The following KIRREL3 variants were observed in gnomAD, a reference collection of about 807,000 sequenced individuals.
KIRREL3 encodes the protein kin of IRRE-like protein 3.
In KIRREL3, 36 loss-of-function variants were observed where a neutral mutation model predicts 89.7. The ratio of observed to expected loss-of-function variants is 0.40; its 90% CI spans 0.31 to 0.53. The LOEUF (loss-of-function observed/expected upper bound fraction) is 0.53, where lower values mean the gene tolerates loss of function less well. Ranked by LOEUF, KIRREL3 falls within the 20% of genes least tolerant of loss-of-function variation. The pLI is 0.49. For synonymous variants in KIRREL3, 445 were observed against 441.4 expected, an observed-to-expected ratio of 1.01 and a Z score of -0.10; for missense variants, 864 against 1,056.6, an observed-to-expected ratio of 0.82 and a Z score of 2.53.
intron 16 of KIRREL3, among the ~76,000 whole-genome samples, 179 bp from the exon 17 acceptor site, chr11:126,425,202 G>A (rs753792260): frequency 6.6e-6 from 1 of 152,208 alleles, no homozygotes; most frequent in Non-Finnish European, 1.5e-5. Flanking sequence ...TGCAGGGGAA[G>A]AAGGACACTG....
Position 126,764,955 on chromosome 11 carries a change from G to C in KIRREL3, c.56-202043C>G, listed in dbSNP as rs1281310719. ...GGTTTTTCAAGTGCAAGGGTTATTT[G>C]CTATATTTTGGAAACTTTTGAGGGT... On this transcript the variant is annotated intron_variant, in intron 1 of 16. Transcript: ENST00000525144. The surrounding 1 kb of genome is among the most constrained non-coding windows in gnomAD (Gnocchi z 4.2). Among the ~76,000 whole-genome samples the C allele has an allele frequency of 6.6e-6, 1 of 152,150 alleles. No individual in the cohort carries two copies. Among genetic ancestry groups the C allele is most frequent in the African/African-American group, 2.4e-5 (1 of 41,442 alleles).
intron 1 of KIRREL3, among the ~76,000 whole-genome samples, chr11:126,960,791 C>T (rs981904967): frequency 3.0e-4 from 46 of 151,950 alleles, no homozygotes; most frequent in African/African-American, 1.1e-3. Context: ...TATTGTTCTT[C>T]GCAGACATTG....
chr11:126,446,283 C>CTTTCTCTCTCTCTCT (rs1565457748), intron 9 of KIRREL3, among the ~76,000 whole-genome samples: 7 of 116,588 alleles, frequency 6.0e-5, no homozygotes, highest in Non-Finnish European at 1.1e-4. Context: ...TCTTTTCTTT[C>CTTTCTCTCTCTCTCT]TCCTTTCTTT....
rs142087174 is a variant in KIRREL3 at position 126,946,205 on chromosome 11, T to TC, written c.55+54249dup. Among the ~76,000 whole-genome samples, 12,625 of 152,160 alleles carry TC rather than the reference T, an allele frequency of 0.083. 949 individuals are homozygous for TC. The highest frequency in any genetic ancestry group is 0.37 in the East Asian group (1,906 of 5,164). On this transcript the variant is annotated intron_variant, in intron 1 of 16. Coordinates refer to ENST00000525144, the MANE Select transcript of KIRREL3 (RefSeq NM_032531.4). This position sits in a 1 kb window ranked among gnomAD's most constrained non-coding sequence, Gnocchi z 4.1. ...ATGCCAGAATTCAAGTTTCAGTTTTTCCCCTTAAAATGACCCTAAATCCCT... is the reference window on the plus strand; with the variant it reads ...ATGCCAGAATTCAAGTTTCAGTTTTTCCCCCTTAAAATGACCCTAAATCCCT...
At chr11:126,758,696 C>T (rs1165005738) in intron 1 of KIRREL3, among the ~76,000 whole-genome samples, 1 of 152,204 alleles carries the variant, frequency 6.6e-6, no homozygotes, top group Non-Finnish European at 1.5e-5. Context: ...GGAGACCTTG[C>T]ATGATAAGGT....
In KIRREL3 at chr11:126,983,711, G is replaced by A. The variant is rs545863671; in HGVS notation, c.55+16744C>T. The stretch of plus-strand genomic sequence containing the variant: ...GCCTCCAGAAAGAAACAGCCCTGCA[G>A]CACCTGGATGCCAGCCCGTGAGATC... On this transcript the variant is annotated intron_variant, in intron 1 of 16. Transcript: ENST00000525144. The surrounding 1 kb of genome is among the most constrained non-coding windows in gnomAD (Gnocchi z 4.9). Among the ~76,000 whole-genome samples, 2 of 152,252 alleles carry A rather than the reference G, an allele frequency of 1.3e-5. No homozygotes were observed. Among genetic ancestry groups the A allele is most frequent in the Admixed American group, 6.5e-5 (1 of 15,296 alleles).
rs1413140315 is a variant in KIRREL3, at chr11:126,527,245, C to T, written c.134-558G>A. ...AGGGGTGGGTGGTGGTGCAGTATGG[C>T]AGGAGGTGTGCTGAGGAGGCGTGCC... On this transcript the variant is annotated intron_variant, in intron 2 of 16. Transcript: ENST00000525144. This position sits in a 1 kb window ranked among gnomAD's most constrained non-coding sequence, Gnocchi z 4.2. 6.6e-6 allele frequency among the ~76,000 whole-genome samples: 1 copy of T among 151,902 alleles called. No individual in the cohort carries two copies. The highest frequency in any genetic ancestry group is 2.4e-5 in the African/African-American group (1 of 41,356).
At chr11:126,838,850 G>A (rs1043319178) in intron 1 of KIRREL3, among the ~76,000 whole-genome samples, 1 of 152,178 alleles carries the variant, frequency 6.6e-6, no homozygotes, top group African/African-American at 2.4e-5. Context: ...GCATGATAAA[G>A]TTTTAATGCC....
chr11:126,719,284 A>T lies in KIRREL3; in HGVS notation c.56-156372T>A, dbSNP rs1327237651. On this transcript the variant is annotated intron_variant, in intron 1 of 16. Coordinates refer to ENST00000525144, the MANE Select transcript of KIRREL3 (RefSeq NM_032531.4). The surrounding 1 kb of genome is among the most constrained non-coding windows in gnomAD (Gnocchi z 4.7). The stretch of plus-strand genomic sequence containing the variant: ...CAATGGTCAACTCCTTGTTGACACA[A>T]ATGGCCAGCTCTTCTGTTTGAACGC... Among the ~76,000 whole-genome samples, 1 of 152,138 alleles carries T rather than the reference A, an allele frequency of 6.6e-6. No homozygotes were observed. Among genetic ancestry groups the T allele is most frequent in the African/African-American group, 2.4e-5 (1 of 41,428 alleles).
At chr11:126,434,515 C>T (rs925159922) in intron 13 of KIRREL3, among the ~76,000 whole-genome samples, 3 of 152,216 alleles carry the variant, frequency 2.0e-5, no homozygotes, top group Non-Finnish European at 4.4e-5. Context: ...GAGGATCCCA[C>T]GTGGAGCTTG....
intron 1 of KIRREL3, among the ~76,000 whole-genome samples, chr11:126,654,901 C>T (rs1945068117): frequency 6.6e-6 from 1 of 152,112 alleles, no homozygotes; most frequent in Non-Finnish European, 1.5e-5. Context: ...GGTCAGAGGC[C>T]AGGAGTCTGC....
intron 12 of KIRREL3, 75 bp downstream of exon 12, chr11:126,436,736 C>T (rs534916044): frequency 4.0e-5 from 61 of 1,516,826 alleles, no homozygotes; most frequent in South Asian, 3.7e-4. Flanking sequence ...CAGCCACCCG[C>T]GCCCTGACCT....
chr11:126,681,609 G>C (rs74408394), intron 1 of KIRREL3, among the ~76,000 whole-genome samples: 13 of 150,274 alleles, frequency 8.7e-5, no homozygotes, highest in South Asian at 4.2e-4. Context: ...TGTATATACA[G>C]ACACACACAC....
rs1592250385 is a variant in KIRREL3, at chr11:126,867,580, G to T, written c.55+132875C>A. Among the ~76,000 whole-genome samples, 2 of 152,298 alleles carry T rather than the reference G, an allele frequency of 1.3e-5. No individual in the cohort carries two copies. Among genetic ancestry groups the T allele is most frequent in the East Asian group, 3.9e-4 (2 of 5,184 alleles). ...TGGGATTAGATAACAGATAATACTA[G>T]TATTAGTTAATAACATTAATACATT... is the stretch of plus-strand genomic sequence containing the variant. On this transcript the variant is annotated intron_variant, in intron 1 of 16. Transcript: ENST00000525144. This position sits in a 1 kb window ranked among gnomAD's most constrained non-coding sequence, Gnocchi z 4.7.
In KIRREL3 at chr11:126,924,177, G is replaced by T. The variant is rs574559763; in HGVS notation, c.55+76278C>A. On this transcript the variant is annotated intron_variant, in intron 1 of 16. Transcript: ENST00000525144. The surrounding 1 kb of genome is among the most constrained non-coding windows in gnomAD (Gnocchi z 4.7). ...GGCAGCTCTTGATCCTGTCCCCTGG[G>T]TTCCTTCCCCCTTTCCCTGGCTCAG... 6.6e-6 allele frequency among the ~76,000 whole-genome samples: 1 copy of T among 152,118 alleles called. No individual in the cohort carries two copies. The highest frequency in any genetic ancestry group is 2.4e-5 in the African/African-American group (1 of 41,414).
intron 1 of KIRREL3, among the ~76,000 whole-genome samples, chr11:126,933,962 C>T (rs555100601): frequency 1.3e-5 from 2 of 148,894 alleles, no homozygotes; most frequent in East Asian, 4.0e-4. Flanking sequence ...CAATCAAGTT[C>T]TAAGATTTAC....
Position 126,424,326 on chromosome 11 carries a change from T to G in KIRREL3, c.*254A>C. On this transcript the variant is annotated 3_prime_UTR_variant, in exon 17 of 17. Coordinates refer to ENST00000525144, the MANE Select transcript of KIRREL3 (RefSeq NM_032531.4). Reference sequence around the variant, plus strand: ...CAGGAAAGGGCCGGGGACACGGGTGTCCAGCACTAAGCACAGCGCACTCAG... The same window carrying G: ...CAGGAAAGGGCCGGGGACACGGGTGGCCAGCACTAAGCACAGCGCACTCAG... 1.8e-6 allele frequency: 1 copy of G among 559,300 alleles called. No homozygotes were observed. Among genetic ancestry groups the G allele is most frequent in the Non-Finnish European group, 3.2e-6 (1 of 312,224 alleles). The allele number at this position is 559,300 out of a possible 1,614,324, so 34.6% of individuals were successfully genotyped here.
At chr11:126,654,701 A>G (rs1945055391) in intron 1 of KIRREL3, among the ~76,000 whole-genome samples, 1 of 152,206 alleles carries the variant, frequency 6.6e-6, no homozygotes, top group Non-Finnish European at 1.5e-5. Flanking sequence ...CACAGCCGAC[A>G]TCGTGAGAGG....
rs1412461618 is a variant in KIRREL3, at chr11:126,569,145, GA to G, written c.56-6234del. ...AGGATGACCCCAGTGTCTTTTGTGG[GA>G]TATAATGGACAAAGAGACATGTCTG... On this transcript the variant is annotated intron_variant, in intron 1 of 16. Transcript: ENST00000525144. The surrounding 1 kb of genome is among the most constrained non-coding windows in gnomAD (Gnocchi z 6.5). 3.9e-5 allele frequency among the ~76,000 whole-genome samples: 6 copies of G among 152,112 alleles called. No homozygotes were observed. Among genetic ancestry groups the G allele is most frequent in the African/African-American group, 1.2e-4 (5 of 41,412 alleles).
Sources: gnomAD v4.1 joint callset for allele counts (sites outside exome capture counted in the v4.1 genomes callset) on GRCh38, gnomAD v4.1.1 for gene constraint, Gnocchi (gnomAD v3.1) non-coding constraint, MANE v1.5 for transcripts, NCBI Gene and HGNC (gene_info 2026-07-23, HGNC 2026-07-21) for gene names.